Variants in ABCA13 observed in about 807,000 individuals in gnomAD.
ABCA13 encodes ATP-binding cassette sub-family A member 13.
ABCA13 carries 476 observed loss-of-function variants against 478.7 expected under a neutral mutation model. That is an observed-to-expected ratio of 0.99 (90% CI 0.92 to 1.07). The LOEUF (loss-of-function observed/expected upper bound fraction) is 1.07, where lower values mean the gene tolerates loss of function less well. Ranked by LOEUF, ABCA13 falls within the 50% of genes least tolerant of loss-of-function variation. ABCA13 has a pLI of 0.00. For missense variants in ABCA13, 6,060 were observed against 5,910.6 expected, an observed-to-expected ratio of 1.03 and a Z score of -0.83; for synonymous variants, 2,252 against 2,158.9, an observed-to-expected ratio of 1.04 and a Z score of -1.20.
chr7:48,490,903 G>A (rs1218690387), intron 48 of ABCA13, among the ~76,000 whole-genome samples: 2 of 152,156 alleles, frequency 1.3e-5, no homozygotes, highest in Admixed American at 1.3e-4. Context: ...AAGACTGGTT[G>A]TAATTTAATG....
At chr7:48,450,860 C>T (rs10260525) in intron 42 of ABCA13, among the ~76,000 whole-genome samples, 45,309 of 151,858 alleles carry the variant, frequency 0.3, 6,844 homozygotes, top group East Asian at 0.38. Flanking sequence ...GAGTATTTAC[C>T]TATACTATTA....
intron 27 of ABCA13, among the ~76,000 whole-genome samples, chr7:48,332,307 G>A (rs1051775026): frequency 6.6e-6 from 1 of 152,146 alleles, no homozygotes; most frequent in Non-Finnish European, 1.5e-5. Context: ...CTGTCTTTGA[G>A]TGTATCTTTT....
At chr7:48,229,104 A>T (rs1399416162) in intron 6 of ABCA13, among the ~76,000 whole-genome samples, 3 of 152,206 alleles carry the variant, frequency 2.0e-5, no homozygotes, top group Non-Finnish European at 4.4e-5. Context: ...ATCTACAAGG[A>T]AATAATCTGT....
Position 48,276,024 on chromosome 7 carries a change from G to T in ABCA13, c.6358G>T (p.Glu2120Ter). 1.2e-6 allele frequency: 2 copies of T among 1,610,584 alleles called. No individual in the cohort carries two copies. The highest frequency in any genetic ancestry group is 1.7e-6 in the Non-Finnish European group (2 of 1,178,172). The change falls in exon 17 of 62, where the codon GAA becomes TAA. Residue 2120 changes from glutamate to a stop codon, truncating the protein, a stop_gained. Coordinates refer to ENST00000435803, the MANE Select transcript of ABCA13 (RefSeq NM_152701.5). LOFTEE classifies it high-confidence loss of function. The part of the protein sequence containing the change: ...SPSLKTLEII[E>*]DFLLVTKNWL... ...GTCATTGAAGACATTAGAAATTATT[G>T]AAGATTTTCTATTGGTCACAAAAAA...
chr7:48,406,572 CAG>C (rs1429691134), intron 39 of ABCA13, among the ~76,000 whole-genome samples: 1 of 152,158 alleles, frequency 6.6e-6, no homozygotes, highest in East Asian at 1.9e-4. Context: ...TTGGGGAAAA[CAG>C]TAGCATTGCT....
chr7:48,605,764 C>T (rs929767595), intron 58 of ABCA13, among the ~76,000 whole-genome samples: 1 of 152,098 alleles, frequency 6.6e-6, no homozygotes, highest in African/African-American at 2.4e-5. Flanking sequence ...GACCTTCCTT[C>T]CTAGGTTTGT....
chr7:48,212,909 G>C (rs1266280208), intron 3 of ABCA13, among the ~76,000 whole-genome samples: 1 of 151,918 alleles, frequency 6.6e-6, no homozygotes, highest in African/African-American at 2.4e-5. Context: ...TGAAGAGCAA[G>C]GGTTATTTTG....
chr7:48,571,199 CAG>C (rs1319472742), intron 55 of ABCA13, among the ~76,000 whole-genome samples: 1 of 152,088 alleles, frequency 6.6e-6, no homozygotes, highest in Non-Finnish European at 1.5e-5. Flanking sequence ...TTAACTAAAA[CAG>C]AAAAAGGAAT....
intron 29 of ABCA13, among the ~76,000 whole-genome samples, chr7:48,340,626 G>A (rs768496567): frequency 3.4e-4 from 52 of 152,114 alleles, no homozygotes; most frequent in Admixed American, 6.5e-4. Flanking sequence ...TGATTATACT[G>A]TTCACATAAT....
intron 55 of ABCA13, among the ~76,000 whole-genome samples, chr7:48,572,550 A>G (rs990764424): frequency 6.6e-6 from 1 of 152,148 alleles, no homozygotes; most frequent in African/African-American, 2.4e-5. Flanking sequence ...GTGACATTAA[A>G]TAATTTTTAA....
intron 55 of ABCA13, among the ~76,000 whole-genome samples, chr7:48,536,395 C>A (rs558388962): frequency 6.6e-6 from 1 of 152,262 alleles, no homozygotes; most frequent in Admixed American, 6.5e-5. Flanking sequence ...CACTTGTAAT[C>A]CCAGCATTAT....
At chr7:48,321,470 A>C (rs1184917749) in intron 27 of ABCA13, among the ~76,000 whole-genome samples, 2 of 152,082 alleles carry the variant, frequency 1.3e-5, no homozygotes, top group Non-Finnish European at 2.9e-5. Flanking sequence ...CTGCAAGCTG[A>C]GGGCCTTGGC....
In ABCA13 at chr7:48,586,300, T is replaced by C. The variant is rs553965990; in HGVS notation, c.14506-854T>C. Reference sequence around the variant, plus strand: ...ATTCTCCTCCCCATCTCTAGTTACTTTATAAACCAAACTCTGAGTTTGCAA... The same window carrying C: ...ATTCTCCTCCCCATCTCTAGTTACTCTATAAACCAAACTCTGAGTTTGCAA... On this transcript the variant is annotated intron_variant, in intron 56 of 61. Transcript: ENST00000435803. Among the ~76,000 whole-genome samples the C allele has an allele frequency of 9.9e-4, 150 of 152,280 alleles. 2 individuals are homozygous for C. In the Middle Eastern group the frequency reaches 0.027, roughly 28 times the overall value.
chr7:48,598,193 T>C (rs1026066170), intron 58 of ABCA13, among the ~76,000 whole-genome samples: 2 of 152,206 alleles, frequency 1.3e-5, no homozygotes, highest in East Asian at 1.9e-4. Flanking sequence ...TGGAATCATA[T>C]AGTATGTAGT....
intron 23 of ABCA13, among the ~76,000 whole-genome samples, chr7:48,303,930 T>A (rs1001068691): frequency 1.3e-5 from 2 of 152,210 alleles, no homozygotes; most frequent in Non-Finnish European, 1.5e-5. Context: ...GTTTGGGCTC[T>A]TAAATCAGTT....
chr7:48,194,354 T>C (rs1797648045), intron 2 of ABCA13, among the ~76,000 whole-genome samples: 1 of 148,762 alleles, frequency 6.7e-6, no homozygotes, highest in Admixed American at 6.7e-5. Context: ...ATGATTACGA[T>C]GGAGATGATA....
intron 56 of ABCA13, among the ~76,000 whole-genome samples, chr7:48,582,881 G>A (rs973332174): frequency 7.9e-5 from 12 of 152,090 alleles, no homozygotes; most frequent in Non-Finnish European, 1.8e-4. Context: ...GTACATATTT[G>A]AGCCTCAATT....
intron 33 of ABCA13, 26 bp from the exon 34 acceptor site, chr7:48,374,321 G>A (rs758482932): frequency 4.4e-6 from 7 of 1,596,936 alleles, no homozygotes; most frequent in Non-Finnish European, 6.0e-6. Flanking sequence ...CTAACGTGCA[G>A]TTTTTCTCCA....
chr7:48,347,959 C>A (rs148596560), intron 29 of ABCA13, among the ~76,000 whole-genome samples: 1 of 152,120 alleles, frequency 6.6e-6, no homozygotes, highest in Non-Finnish European at 1.5e-5. Flanking sequence ...ATAAAGAGGG[C>A]GAGGATTATT....
Sources: allele counts gnomAD v4.1 joint callset (sites outside exome capture counted in the v4.1 genomes callset), GRCh38; gene constraint gnomAD v4.1.1; transcripts MANE v1.5; gene names NCBI Gene and HGNC (gene_info 2026-07-23, HGNC 2026-07-21).